The following PCSK2 variants were observed in gnomAD, a reference collection of about 807,000 sequenced individuals.
PCSK2 encodes the protein neuroendocrine convertase 2.
PCSK2 carries 14 observed loss-of-function variants against 69.7 expected under a neutral mutation model. That is an observed-to-expected ratio of 0.20 (90% CI 0.13 to 0.31). The LOEUF is 0.31. PCSK2 is among the 10% of genes least tolerant of loss of function. PCSK2 has a pLI of 1.00. For synonymous variants in PCSK2, 307 were observed against 320.7 expected, an observed-to-expected ratio of 0.96 and a Z score of 0.46; for missense variants, 544 against 842.5, an observed-to-expected ratio of 0.65 and a Z score of 4.39.
At chr20:17,410,741 A>G (rs2031853802) in intron 6 of PCSK2, among the ~76,000 whole-genome samples, 1 of 152,224 alleles carries the variant, frequency 6.6e-6, no homozygotes, top group African/African-American at 2.4e-5. Context: ...CAAATAAACC[A>G]TTTCAGACAC....
At chr20:17,475,013 C>G (rs2033268030) in intron 11 of PCSK2, among the ~76,000 whole-genome samples, 2 of 151,866 alleles carry the variant, frequency 1.3e-5, no homozygotes, top group Admixed American at 6.6e-5. Context: ...GAAGCAGAGC[C>G]TGAGATTGGG....
At chr20:17,449,765 G>T (rs2032782942) in intron 8 of PCSK2, among the ~76,000 whole-genome samples, 1 of 151,598 alleles carries the variant, frequency 6.6e-6, no homozygotes, top group African/African-American at 2.4e-5. Flanking sequence ...GACCTCAGGG[G>T]ATCCACCTGC....
chr20:17,322,700 A>C (rs1335932161), intron 2 of PCSK2, among the ~76,000 whole-genome samples: 1 of 152,196 alleles, frequency 6.6e-6, no homozygotes, highest in African/African-American at 2.4e-5. Context: ...TGCTGCATCT[A>C]CCACAGGGAA....
At chr20:17,449,507 C>CATATATATGTATGTATGTATAT in intron 8 of PCSK2, among the ~76,000 whole-genome samples, 1 of 70,366 alleles carries the variant, frequency 1.4e-5, no homozygotes, top group African/African-American at 5.0e-5. Flanking sequence ...TATAAATATA[C>CATATATATGTATGTATGTATAT]ATATATATAT....
intron 2 of PCSK2, among the ~76,000 whole-genome samples, chr20:17,267,910 C>T (rs955265022): frequency 4.6e-5 from 7 of 151,688 alleles, no homozygotes; most frequent in Admixed American, 4.0e-4. Context: ...GCTAGCAAAC[C>T]TTTAGGACTT....
intron 5 of PCSK2, among the ~76,000 whole-genome samples, chr20:17,370,904 G>C (rs780868420): frequency 6.6e-6 from 1 of 152,190 alleles, no homozygotes; most frequent in Admixed American, 6.5e-5. Context: ...TCCTCACAGA[G>C]AGCAAGTGTG....
At chr20:17,321,570 G>A (rs1431621380) in intron 2 of PCSK2, among the ~76,000 whole-genome samples, 1 of 152,200 alleles carries the variant, frequency 6.6e-6, no homozygotes, top group Admixed American at 6.5e-5. Flanking sequence ...GTAATGATAA[G>A]TACTTCTTTC....
intron 1 of PCSK2, among the ~76,000 whole-genome samples, chr20:17,251,188 A>C (rs1395487165): frequency 6.6e-6 from 1 of 152,212 alleles, no homozygotes; most frequent in Non-Finnish European, 1.5e-5. Context: ...GATAGTGTTC[A>C]AAGTAGAAAG....
chr20:17,337,757 CTT>C (rs1990395059), intron 2 of PCSK2, among the ~76,000 whole-genome samples: 2 of 150,074 alleles, frequency 1.3e-5, no homozygotes, highest in Admixed American at 1.3e-4. Flanking sequence ...AGACCTGACT[CTT>C]TAAAAAAAAT....
chr20:17,303,926 A>G (rs967304268), intron 2 of PCSK2, among the ~76,000 whole-genome samples: 3 of 148,426 alleles, frequency 2.0e-5, no homozygotes, highest in South Asian at 4.2e-4. Context: ...GACTATATGT[A>G]TTGGAGGTCT....
chr20:17,396,271 A>G (rs1378133060), intron 5 of PCSK2, among the ~76,000 whole-genome samples: 1 of 152,186 alleles, frequency 6.6e-6, no homozygotes, highest in Non-Finnish European at 1.5e-5. Context: ...TCCAAGAATC[A>G]GGCTTCAATT....
Position 17,385,565 on chromosome 20 carries a change from T to C in PCSK2, c.543+16288T>C, listed in dbSNP as rs183736375. ...AGACATTAAGTCAAAGTGATGCTCC[T>C]TTTCCATGCATGATGCTGTATACAC... On this transcript the variant is annotated intron_variant, in intron 5 of 11. Transcript: ENST00000262545. Among the ~76,000 whole-genome samples, 185 of 152,362 alleles carry C rather than the reference T, an allele frequency of 1.2e-3. 1 individual carries two copies. The highest frequency in any genetic ancestry group is 3.1e-4 in the Non-Finnish European group (21 of 68,028).
chr20:17,456,329 T>C lies in PCSK2; in HGVS notation c.1102-19T>C. On this transcript the variant is annotated intron_variant, in intron 9 of 11. Coordinates refer to ENST00000262545, the MANE Select transcript of PCSK2 (RefSeq NM_002594.5). The stretch of plus-strand genomic sequence containing the variant: ...ATAGCGTGATTTATCCACTCATTAC[T>C]CATTATCTTCCCTTCCAGGCAACCA... 1 of 1,443,552 alleles carries C rather than the reference T, an allele frequency of 6.9e-7. No individual in the cohort carries two copies. Among genetic ancestry groups the C allele is most frequent in the South Asian group, 1.1e-5 (1 of 87,408 alleles). 89.4% of individuals were successfully genotyped at this position (1,443,552 alleles called of 1,614,324 possible).
At chr20:17,442,720 G>A (rs921375900) in intron 8 of PCSK2, among the ~76,000 whole-genome samples, 8 of 152,122 alleles carry the variant, frequency 5.3e-5, no homozygotes, top group African/African-American at 1.7e-4. Flanking sequence ...TCCCAATAAC[G>A]TCACACTGGG....
At chr20:17,250,065 T>G (rs887632031) in intron 1 of PCSK2, among the ~76,000 whole-genome samples, 7 of 152,196 alleles carry the variant, frequency 4.6e-5, no homozygotes, top group African/African-American at 1.7e-4. Context: ...CCCTTCTTTA[T>G]TCAGCTTCCC....
intron 2 of PCSK2, among the ~76,000 whole-genome samples, chr20:17,286,759 C>A (rs1419866498): frequency 6.6e-6 from 1 of 152,180 alleles, no homozygotes; most frequent in Non-Finnish European, 1.5e-5. Context: ...ACAGCTCATG[C>A]CTCCCTCCAC....
chr20:17,405,331 T>C (rs147968474), intron 5 of PCSK2, among the ~76,000 whole-genome samples: 296 of 152,274 alleles, frequency 1.9e-3, no homozygotes, highest in African/African-American at 6.8e-3. Context: ...AGCCCATTGA[T>C]CACAGAGGCA....
chr20:17,408,855 T>C (rs2031810530), intron 5 of PCSK2, among the ~76,000 whole-genome samples: 1 of 152,230 alleles, frequency 6.6e-6, no homozygotes, highest in African/African-American at 2.4e-5. Context: ...AAGGAAACTC[T>C]AGAGGCCATC....
At chr20:17,438,580 C>T (rs1210976764) in intron 8 of PCSK2, among the ~76,000 whole-genome samples, 1 of 152,150 alleles carries the variant, frequency 6.6e-6, no homozygotes, top group Non-Finnish European at 1.5e-5. Flanking sequence ...AAAGTCACAT[C>T]GAAATCTATG....
Sources: gnomAD v4.1 joint callset for allele counts (sites outside exome capture counted in the v4.1 genomes callset) on GRCh38, gnomAD v4.1.1 for gene constraint, MANE v1.5 for transcripts, NCBI Gene and HGNC (gene_info 2026-07-23, HGNC 2026-07-21) for gene names.